Variants in AFDN observed in about 807,000 individuals in gnomAD.
AFDN encodes the protein afadin, adherens junction formation factor, also known as afadin.
In AFDN, 68 loss-of-function variants were observed where a neutral mutation model predicts 216.6. That is an observed-to-expected ratio of 0.31 (90% CI 0.26 to 0.38). The LOEUF (loss-of-function observed/expected upper bound fraction) is 0.38, where lower values mean the gene tolerates loss of function less well. AFDN is among the 10% of genes least tolerant of loss of function. The pLI, the probability that AFDN is intolerant of heterozygous loss-of-function variation, is 1.00. For missense variants in AFDN, 2,136 were observed against 2,342.0 expected (o/e 0.91, Z 1.82); for synonymous variants, 868 against 853.7 (o/e 1.02, Z -0.29).
Position 167,891,408 on chromosome 6 carries a change from GGTGTGT to G in AFDN, c.1177+417_1177+422del, listed in dbSNP as rs71004178. On this transcript the variant is annotated intron_variant, in intron 8 of 33. Transcript: ENST00000683244. ...CTAGGGCAGATTTCATAAAGGGGTG[GGTGTGT>G]GTGTGTGTGTGTGTGTGTGTGTGTG... 2.5e-3 allele frequency among the ~76,000 whole-genome samples: 182 copies of G among 72,106 alleles called. 4 individuals are homozygous for G. Among genetic ancestry groups the G allele is most frequent in the East Asian group, 0.024 (95 of 3,886 alleles). 47.3% of individuals were successfully genotyped at this position (72,106 alleles called of 152,430 possible).
chr6:167,827,727 G>A (rs1395814839), intron 1 of AFDN: 2 of 152,142 alleles, frequency 1.3e-5, no homozygotes, highest in African/African-American at 2.4e-5. Flanking sequence ...CCAGCTGGGA[G>A]GGGAAAGTCA....
chr6:167,951,175 TC>T lies in AFDN; in HGVS notation c.3832-10del. 6.6e-7 allele frequency: 1 copy of T among 1,520,038 alleles called. No homozygotes were observed. Among genetic ancestry groups the T allele is most frequent in the Non-Finnish European group, 8.8e-7 (1 of 1,135,544 alleles). 94.2% of individuals were successfully genotyped at this position (1,520,038 alleles called of 1,614,324 possible). On this transcript the variant is annotated splice_polypyrimidine_tract_variant and intron_variant, in intron 29 of 33. Transcript: ENST00000683244. The surrounding 1 kb of genome is among the most constrained non-coding windows in gnomAD (Gnocchi z 7.1). Reference sequence around the variant, plus strand: ...ATGGCTGAAATATAATAATTCTTTTTCTTTTTGCAGCGTGTTACACGTTCCC... The same window carrying T: ...ATGGCTGAAATATAATAATTCTTTTTTTTTTGCAGCGTGTTACACGTTCCC...
In AFDN at chr6:167,965,869, C is replaced by G; in HGVS notation, c.5081C>G (p.Pro1694Arg). The stretch of plus-strand genomic sequence containing the variant: ...GAGGCGCCCGGTCTGTGCCGCCCTC[C>G]GCTTCCCCGGGACTACGAGCCCCCG... ...EPEAPGLCRP[P>R]LPRDYEPPSP... The change falls in exon 32 of 34, where the codon CCG becomes CGG. Residue 1694 changes from proline to arginine, a missense_variant. Physicochemically the swap from Pro to Arg is moderately radical, Grantham distance 103. This residue lies in a region of AFDN where 981 missense variants were observed against 966.0 expected (regional missense o/e 1.02). Transcript: ENST00000683244. 7.1e-6 allele frequency: 11 copies of G among 1,549,042 alleles called. No homozygotes were observed. Among genetic ancestry groups the G allele is most frequent in the Non-Finnish European group, 4.4e-6 (5 of 1,146,450 alleles).
At chr6:167,866,993 A>T (rs1447059242) in intron 2 of AFDN, among the ~76,000 whole-genome samples, 1 of 152,224 alleles carries the variant, frequency 6.6e-6, no homozygotes, top group Non-Finnish European at 1.5e-5. Context: ...GTGTGAATTC[A>T]GTAGGAAACA....
intron 32 of AFDN, among the ~76,000 whole-genome samples, chr6:167,967,987 C>G (rs73036680): frequency 0.031 from 4,649 of 152,228 alleles, 89 homozygotes; most frequent in African/African-American, 0.042. Context: ...AGATTCATTA[C>G]TAAAGCTTTT....
chr6:167,863,648 C>G (rs1324370135), intron 1 of AFDN: 2 of 381,054 alleles, frequency 5.2e-6, no homozygotes, highest in East Asian at 6.1e-5. Flanking sequence ...GAAATATTCT[C>G]TGGAATTTTT....
Position 167,898,512 on chromosome 6 carries a change from A to T in AFDN, c.1580+45A>T, listed in dbSNP as rs181558522. The T allele has an allele frequency of 6.1e-5, 95 of 1,545,452 alleles. No homozygotes were observed. In the Admixed American group the frequency reaches 8.6e-4, roughly 14 times the overall value. ...GATTTAAAATGTTTTGATTATACTT[A>T]AAGTAGTTCAGATTATTCATAGATA... On this transcript the variant is annotated intron_variant, in intron 11 of 33. Coordinates refer to ENST00000683244, the MANE Select transcript of AFDN (RefSeq NM_001386888.1).
rs953227757 is a variant in AFDN, at chr6:167,826,931, G to C, written c.-202G>C. On this transcript the variant is annotated 5_prime_UTR_variant, in exon 1 of 34. Coordinates refer to ENST00000683244, the MANE Select transcript of AFDN (RefSeq NM_001386888.1). Reference sequence around the variant, plus strand: ...CGGGCGCACACCGGCCGGCGGGGCTGAGGCGGCGCGGCGCGGCGCGGACTG... The same window carrying C: ...CGGGCGCACACCGGCCGGCGGGGCTCAGGCGGCGCGGCGCGGCGCGGACTG... 1 of 146,106 alleles carries C rather than the reference G, an allele frequency of 6.8e-6. No individual in the cohort carries two copies. Among genetic ancestry groups the C allele is most frequent in the Admixed American group, 6.8e-5 (1 of 14,636 alleles). 9.1% of individuals were successfully genotyped at this position (146,106 alleles called of 1,614,324 possible). A position where few individuals can be genotyped will look rare whatever the true frequency, so the allele number is the denominator to read the frequency against.
In AFDN at chr6:167,962,765, G is replaced by C; in HGVS notation, c.4968+198G>C. 8 of 1,422,954 alleles carry C rather than the reference G, an allele frequency of 5.6e-6. No homozygotes were observed. Among genetic ancestry groups the C allele is most frequent in the African/African-American group, 1.4e-5 (1 of 70,136 alleles). The allele number at this position is 1,422,954 out of a possible 1,614,324, so 88.1% of individuals were successfully genotyped here. A position where few individuals can be genotyped will look rare whatever the true frequency, so the allele number is the denominator to read the frequency against. On this transcript the variant is annotated intron_variant, in intron 31 of 33. Coordinates refer to ENST00000683244, the MANE Select transcript of AFDN (RefSeq NM_001386888.1). The surrounding 1 kb of genome is among the most constrained non-coding windows in gnomAD (Gnocchi z 5.2). Reference sequence around the variant, plus strand: ...CTACCTCTCTTCTGGACTGTCTCCAGATCCCCTTATCTGCCAAGTTTTGTC... The same window carrying C: ...CTACCTCTCTTCTGGACTGTCTCCACATCCCCTTATCTGCCAAGTTTTGTC...
intron 1 of AFDN, among the ~76,000 whole-genome samples, chr6:167,849,812 A>G (rs916393642): frequency 3.3e-4 from 50 of 152,222 alleles, no homozygotes; most frequent in African/African-American, 1.2e-3. Flanking sequence ...TGCAAAGAGA[A>G]TTAATTAAGA....
chr6:167,838,717 A>G (rs1449913398), intron 1 of AFDN, among the ~76,000 whole-genome samples: 1 of 152,196 alleles, frequency 6.6e-6, no homozygotes, highest in East Asian at 1.9e-4. Flanking sequence ...TTCTCTGGTG[A>G]TGAGCCTTTG....
intron 12 of AFDN, among the ~76,000 whole-genome samples, chr6:167,904,946 T>C (rs564976539): frequency 1.5e-4 from 23 of 152,350 alleles, no homozygotes; most frequent in Non-Finnish European, 2.2e-4. Context: ...GCTCAGCCCC[T>C]ATGCCCTGAG....
At chr6:167,943,750 T>G (rs1429726852) in intron 25 of AFDN, among the ~76,000 whole-genome samples, 191 bp from the exon 26 acceptor site, 1 of 152,236 alleles carries the variant, frequency 6.6e-6, no homozygotes, top group Non-Finnish European at 1.5e-5. Context: ...GAGATGTGTT[T>G]GCCTATTTTC....
In AFDN at chr6:167,922,899, G is replaced by GACA; in HGVS notation, c.2954_2956dup (p.Thr985dup). 6.2e-7 allele frequency: 1 copy of GACA among 1,613,316 alleles called. No homozygotes were observed. Among genetic ancestry groups the GACA allele is most frequent in the Non-Finnish European group, 8.5e-7 (1 of 1,179,702 alleles). On this transcript the variant is annotated inframe_insertion, in exon 22 of 34. Transcript: ENST00000683244. ...CTCACACACGTTCACCAGGTACTTG[G>GACA]ACAATATATTTTGAAGGTGCAGATT... is the stretch of plus-strand genomic sequence containing the variant.
At chr6:167,828,808 G>T (rs1189365679) in intron 1 of AFDN, among the ~76,000 whole-genome samples, 1 of 146,784 alleles carries the variant, frequency 6.8e-6, no homozygotes, top group African/African-American at 2.5e-5. Context: ...CTCAAGTCTG[G>T]TGGAAAGGAA....
At position 167,970,142 on chromosome 6, in the gene AFDN, A is replaced by G. The variant is rs1479563664; in HGVS notation, c.*207A>G. On this transcript the variant is annotated 3_prime_UTR_variant, in exon 34 of 34. Transcript: ENST00000683244. The stretch of plus-strand genomic sequence containing the variant: ...CATGAGATTGCCATTTATGTAATTT[A>G]AACACTGTCTAGTTTCTTAATTATC... 4 of 518,244 alleles carry G rather than the reference A, an allele frequency of 7.7e-6. No individual in the cohort carries two copies. In the East Asian group the frequency reaches 1.1e-4, roughly 14 times the overall value. The allele number at this position is 518,244 out of a possible 1,614,324, so 32.1% of individuals were successfully genotyped here. A position where few individuals can be genotyped will look rare whatever the true frequency, so the allele number is the denominator to read the frequency against.
chr6:167,967,869 G>T (rs1797714998), intron 32 of AFDN, among the ~76,000 whole-genome samples: 1 of 152,166 alleles, frequency 6.6e-6, no homozygotes, highest in African/African-American at 2.4e-5. Flanking sequence ...GAGCACTCTG[G>T]TAAAGCATGC....
At chr6:167,905,300 T>C (rs1489962049) in intron 12 of AFDN, among the ~76,000 whole-genome samples, 2 of 152,230 alleles carry the variant, frequency 1.3e-5, no homozygotes, top group Non-Finnish European at 2.9e-5. Context: ...GCTGTATTTC[T>C]ATTGCACTTT....
intron 32 of AFDN, 51 bp downstream of exon 32, chr6:167,966,096 G>A: frequency 2.0e-6 from 3 of 1,536,984 alleles, no homozygotes; most frequent in Non-Finnish European, 2.6e-6. Flanking sequence ...CCTTCTTCCT[G>A]CCCCTCTTAA....
Sources: gnomAD v4.1 joint callset for allele counts (sites outside exome capture counted in the v4.1 genomes callset) on GRCh38, gnomAD v4.1.1 for gene constraint, gnomAD v4.1.1 regional missense constraint, Gnocchi (gnomAD v3.1) non-coding constraint, MANE v1.5 for transcripts, NCBI Gene and HGNC (gene_info 2026-07-23, HGNC 2026-07-21) for gene names.